Variants in GSK3B observed in about 807,000 individuals in gnomAD.
The protein encoded by GSK3B is glycogen synthase kinase 3 beta, also known as glycogen synthase kinase-3 beta.
In GSK3B, 15 loss-of-function variants were observed where a neutral mutation model predicts 56.4. That is an observed-to-expected ratio of 0.27 (90% CI 0.18 to 0.41). The LOEUF (loss-of-function observed/expected upper bound fraction) is 0.41, where lower values mean the gene tolerates loss of function less well. Among genes scored for constraint, GSK3B ranks in the 10% least tolerant of loss-of-function variants. The pLI, the probability that GSK3B is intolerant of heterozygous loss-of-function variation, is 1.00. For missense variants in GSK3B, 300 were observed against 513.4 expected, an observed-to-expected ratio of 0.58 and a Z score of 4.02; for synonymous variants, 181 against 188.9, an observed-to-expected ratio of 0.96 and a Z score of 0.34.
intron 10 of GSK3B, among the ~76,000 whole-genome samples, chr3:119,840,405 G>A (rs2055754974): frequency 1.3e-5 from 2 of 152,014 alleles, no homozygotes; most frequent in Admixed American, 6.6e-5. Context: ...TGTATTTTTA[G>A]TAGAGACAGG....
At chr3:120,001,921 T>C in intron 2 of GSK3B, 125 bp downstream of exon 2, 1 of 554,944 alleles carries the variant, frequency 1.8e-6, no homozygotes, top group Non-Finnish European at 3.1e-6. Context: ...ACTACAATGG[T>C]TGAGCTGAAC....
chr3:119,842,792 T>C (rs1241642586), intron 10 of GSK3B, among the ~76,000 whole-genome samples: 1 of 152,146 alleles, frequency 6.6e-6, no homozygotes, highest in Non-Finnish European at 1.5e-5. Flanking sequence ...TTATGCTTTT[T>C]GGAAATAAAG....
In GSK3B at chr3:120,094,072, T is replaced by C. The variant is rs1052482679; in HGVS notation, c.-638A>G. 4 of 221,912 alleles carry C rather than the reference T, an allele frequency of 1.8e-5. No homozygotes were observed. The highest frequency in any genetic ancestry group is 6.9e-5 in the African/African-American group (3 of 43,742). 13.7% of individuals were successfully genotyped at this position (221,912 alleles called of 1,614,324 possible). A position where few individuals can be genotyped will look rare whatever the true frequency, so the allele number is the denominator to read the frequency against. On this transcript the variant is annotated 5_prime_UTR_variant, in exon 1 of 11. The change abolishes an upstream ATG in the 5' untranslated region. Coordinates refer to ENST00000264235, the MANE Select transcript of GSK3B (RefSeq NM_001146156.2). ...GCGGTGGCGGCGGCTCCTCTCCTCATTGCGCCAGGAGCAGCTGCAGGCGGC... is the reference window on the plus strand; with the variant it reads ...GCGGTGGCGGCGGCTCCTCTCCTCACTGCGCCAGGAGCAGCTGCAGGCGGC...
intron 2 of GSK3B, among the ~76,000 whole-genome samples, chr3:119,989,097 A>G (rs900385553): frequency 1.1e-4 from 17 of 152,346 alleles, no homozygotes; most frequent in African/African-American, 4.1e-4. Context: ...TAGATGTTTC[A>G]GCAGACGCTG....
intron 1 of GSK3B, among the ~76,000 whole-genome samples, chr3:120,058,508 A>G (rs2058209489): frequency 6.6e-6 from 1 of 152,160 alleles, no homozygotes; most frequent in Non-Finnish European, 1.5e-5. Flanking sequence ...AATATACAGA[A>G]ATTCTTACAT....
intron 2 of GSK3B, among the ~76,000 whole-genome samples, chr3:119,953,567 C>T (rs2057180141): frequency 6.6e-6 from 1 of 152,160 alleles, no homozygotes; most frequent in Non-Finnish European, 1.5e-5. Context: ...AGACCCACTG[C>T]CTACAAGATA....
intron 3 of GSK3B, among the ~76,000 whole-genome samples, chr3:119,925,971 C>T (rs1235998431): frequency 2.0e-5 from 3 of 152,136 alleles, no homozygotes; most frequent in African/African-American, 7.2e-5. Flanking sequence ...TTCATTGAAG[C>T]ACCTTCTTCA....
chr3:119,978,752 T>C (rs926225416), intron 2 of GSK3B, among the ~76,000 whole-genome samples: 1 of 152,072 alleles, frequency 6.6e-6, no homozygotes, highest in African/African-American at 2.4e-5. Flanking sequence ...ACATCCAACA[T>C]TGGACACTAA....
At position 119,869,016 on chromosome 3, in the gene GSK3B, C is replaced by G. The variant is rs954504273; in HGVS notation, c.910-5411G>C. On this transcript the variant is annotated intron_variant, in intron 8 of 10. Coordinates refer to ENST00000264235, the MANE Select transcript of GSK3B (RefSeq NM_001146156.2). Reference sequence around the variant, plus strand: ...AGCACATAATTCAATAATTACTTAACAAATTAGTCTATACTATTTTTTAAA... The same window carrying G: ...AGCACATAATTCAATAATTACTTAAGAAATTAGTCTATACTATTTTTTAAA... Among the ~76,000 whole-genome samples the G allele has an allele frequency of 3.9e-5, 6 of 152,024 alleles. No individual in the cohort carries two copies. The East Asian group carries it at 1.2e-3, about 29-fold the overall frequency.
intron 1 of GSK3B, among the ~76,000 whole-genome samples, chr3:120,004,274 C>T (rs1024745696): frequency 6.6e-6 from 1 of 152,176 alleles, no homozygotes; most frequent in African/African-American, 2.4e-5. Context: ...AGCTCAAACT[C>T]GGCAGAGACC....
chr3:119,963,301 C>T (rs1052258758), intron 2 of GSK3B, among the ~76,000 whole-genome samples: 2 of 152,106 alleles, frequency 1.3e-5, no homozygotes, highest in East Asian at 3.8e-4. Context: ...CAACCCCTAT[C>T]AAAATCCTAA....
rs531000213 is a variant in GSK3B, at chr3:120,048,550, T to C, written c.88+44797A>G. ...CTCCTCATCTGTTAAGCAGGGATAA[T>C]AGAATCTTATCTCATTGGGTTGTTA... is the stretch of plus-strand genomic sequence containing the variant. On this transcript the variant is annotated intron_variant, in intron 1 of 10. Coordinates refer to ENST00000264235, the MANE Select transcript of GSK3B (RefSeq NM_001146156.2). Among the ~76,000 whole-genome samples the C allele has an allele frequency of 7.3e-4, 111 of 152,338 alleles. 1 individual carries two copies. Among genetic ancestry groups the C allele is most frequent in the Non-Finnish European group, 1.2e-3 (85 of 68,016 alleles).
intron 7 of GSK3B, among the ~76,000 whole-genome samples, chr3:119,898,607 T>C (rs1319544280): frequency 6.6e-6 from 1 of 152,106 alleles, no homozygotes; most frequent in Admixed American, 6.6e-5. Flanking sequence ...GGTACAAAAT[T>C]CCATGAATAG....
intron 1 of GSK3B, among the ~76,000 whole-genome samples, chr3:120,025,648 G>C (rs1471130547): frequency 6.6e-6 from 1 of 152,180 alleles, no homozygotes; most frequent in Non-Finnish European, 1.5e-5. Flanking sequence ...TACAATGTAT[G>C]CAAGAACTGA....
chr3:119,843,489 T>C (rs2055809183), intron 9 of GSK3B, 136 bp from the exon 10 acceptor site: 1 of 356,462 alleles, frequency 2.8e-6, no homozygotes, highest in African/African-American at 2.2e-5. Context: ...ACGCCTGTAA[T>C]CCTAGCACTT....
intron 1 of GSK3B, among the ~76,000 whole-genome samples, chr3:120,021,546 T>C (rs529198384): frequency 1.6e-4 from 24 of 151,110 alleles, no homozygotes; most frequent in African/African-American, 3.9e-4. Context: ...TCATGATTCA[T>C]AGGAACAGGA....
chr3:120,029,295 T>A (rs1262862510), intron 1 of GSK3B: 5 of 742,758 alleles, frequency 6.7e-6, no homozygotes, highest in Non-Finnish European at 1.3e-5. Context: ...GAGAGTACCT[T>A]CTCTGCAGCG....
chr3:119,964,586 T>C lies in GSK3B; in HGVS notation c.283-17235A>G, dbSNP rs143276746. 3.9e-4 allele frequency among the ~76,000 whole-genome samples: 60 copies of C among 152,280 alleles called. No homozygotes were observed. In the East Asian group the frequency reaches 0.011, roughly 29 times the overall value. Reference sequence around the variant, plus strand: ...ATATAAGTAGACAATAGAATGGTGGTTACTAGGAGACAGGGGAGGAAGATA... The same window carrying C: ...ATATAAGTAGACAATAGAATGGTGGCTACTAGGAGACAGGGGAGGAAGATA... On this transcript the variant is annotated intron_variant, in intron 2 of 10. Coordinates refer to ENST00000264235, the MANE Select transcript of GSK3B (RefSeq NM_001146156.2).
At chr3:119,845,473 G>A (rs1448433187) in intron 9 of GSK3B, among the ~76,000 whole-genome samples, 4 of 152,164 alleles carry the variant, frequency 2.6e-5, no homozygotes, top group Non-Finnish European at 5.9e-5. Context: ...AAAGTCGCAG[G>A]ATACAAAATC....
Sources: allele counts gnomAD v4.1 joint callset (sites outside exome capture counted in the v4.1 genomes callset), GRCh38; gene constraint gnomAD v4.1.1; transcripts MANE v1.5; gene names NCBI Gene and HGNC (gene_info 2026-07-23, HGNC 2026-07-21).